The following TXLNB variants were observed in gnomAD, a reference collection of about 807,000 sequenced individuals.
TXLNB encodes the protein taxilin beta, also known as beta-taxilin.
TXLNB carries 37 observed loss-of-function variants against 57.4 expected under a neutral mutation model. The ratio of observed to expected loss-of-function variants is 0.64; its 90% CI spans 0.50 to 0.85. TXLNB has a LOEUF of 0.85. Among genes scored for constraint, TXLNB ranks in the 40% least tolerant of loss-of-function variants. The probability of loss-of-function intolerance (pLI) is 0.00; values close to 1 mark genes in which losing one functional copy is unlikely to be tolerated. For synonymous variants in TXLNB, 302 were observed against 309.6 expected (o/e 0.98, Z 0.26); for missense variants, 848 against 825.6 (o/e 1.03, Z -0.33).
At chr6:139,192,769 C>A in the TXLNB span, among the ~76,000 whole-genome samples, 4 of 136,580 alleles carry the variant, frequency 2.9e-5, no homozygotes, top group Admixed American at 3.0e-4. Context: ...ACAGTAAAAC[C>A]CCGTCTCTAC....
At chr6:139,196,195 G>T in the TXLNB span, among the ~76,000 whole-genome samples, 2 of 151,902 alleles carry the variant, frequency 1.3e-5, no homozygotes, top group Non-Finnish European at 2.9e-5. Flanking sequence ...AATCTTCCAT[G>T]GATACATTAA....
the TXLNB span, among the ~76,000 whole-genome samples, chr6:139,317,431 G>A: frequency 1.2e-4 from 18 of 150,620 alleles, no homozygotes; most frequent in East Asian, 2.0e-4. Flanking sequence ...ACGGAGTCTC[G>A]CTCTGTGGCC....
In TXLNB at chr6:139,260,422, A is replaced by G. The variant is rs760799043; in HGVS notation, c.898T>C (p.Phe300Leu). The change falls in exon 6 of 10, where the codon TTT (phenylalanine) becomes CTT (leucine). Residue 300 changes from phenylalanine to leucine, a missense_variant. By Grantham distance (22) the Phe-to-Leu change is conservative. Coordinates refer to ENST00000358430, the MANE Select transcript of TXLNB (RefSeq NM_153235.4). ...TTCTGCTGCAGTTCTCTGTGTTTAA[A>G]TATTTTGTCCAGATGCTAAGAAAAA... ...ELREEHLDKIFKHRELQQKLV... is the reference protein window; with the variant it reads ...ELREEHLDKILKHRELQQKLV... 1 of 1,614,064 alleles carries G rather than the reference A, an allele frequency of 6.2e-7. No homozygotes were observed.
rs149143523 is a variant in TXLNB, at chr6:139,286,785, G to GCATGCTC, written c.424+1684_424+1690dup. 8.7e-3 allele frequency: 1,496 copies of GCATGCTC among 171,558 alleles called. 22 individuals carry two copies. Among genetic ancestry groups the GCATGCTC allele is most frequent in the African/African-American group, 0.034 (1,414 of 41,896 alleles). 10.6% of individuals were successfully genotyped at this position (171,558 alleles called of 1,614,324 possible). A position where few individuals can be genotyped will look rare whatever the true frequency, so the allele number is the denominator to read the frequency against. On this transcript the variant is annotated intron_variant, in intron 2 of 9. Coordinates refer to ENST00000358430, the MANE Select transcript of TXLNB (RefSeq NM_153235.4). ...ACTGCACATGCAAGGGATGTAGGTT[G>GCATGCTC]CATGCTCCCTGTGAGAATCTAATGC... is the stretch of plus-strand genomic sequence containing the variant.
chr6:139,162,896 G>A, the TXLNB span, among the ~76,000 whole-genome samples: 5 of 152,092 alleles, frequency 3.3e-5, no homozygotes, highest in Admixed American at 2.0e-4. Flanking sequence ...CATGAACATG[G>A]TGTTAAGGCT....
chr6:139,308,295 A>C, the TXLNB span, among the ~76,000 whole-genome samples: 7 of 152,206 alleles, frequency 4.6e-5, no homozygotes, highest in African/African-American at 1.7e-4. Flanking sequence ...TAAGCGATAC[A>C]ACTACCTGCC....
the TXLNB span, among the ~76,000 whole-genome samples, chr6:139,210,853 G>A: frequency 6.1e-4 from 93 of 152,380 alleles, 1 homozygote; most frequent in Non-Finnish European, 1.1e-3. Flanking sequence ...CTAGCTCGGA[G>A]GGTCCTACGC....
chr6:139,208,085 A>G, the TXLNB span, among the ~76,000 whole-genome samples: 323 of 152,290 alleles, frequency 2.1e-3, 1 homozygote, highest in African/African-American at 7.5e-3. Flanking sequence ...CAAACAAAAA[A>G]AAAGAGAGAG....
chr6:139,248,497 CAA>C lies in TXLNB; in HGVS notation c.1078-590_1078-589del, dbSNP rs376513884. ...GGCAACAAGAGCAAAACTCTGTCTC[CAA>C]AAAAAAAAAGAAAAAAATGAAAAAA... On this transcript the variant is annotated intron_variant, in intron 7 of 9. Coordinates refer to ENST00000358430, the MANE Select transcript of TXLNB (RefSeq NM_153235.4). Among the ~76,000 whole-genome samples the C allele has an allele frequency of 8.4e-3, 916 of 109,690 alleles. 8 individuals carry two copies. The highest frequency in any genetic ancestry group is 0.029 in the African/African-American group (875 of 29,662). The allele number at this position is 109,690 out of a possible 152,430, so 72.0% of individuals were successfully genotyped here.
chr6:139,231,687 T>C, the TXLNB span, among the ~76,000 whole-genome samples: 3 of 152,178 alleles, frequency 2.0e-5, no homozygotes, highest in Non-Finnish European at 2.9e-5. Context: ...GAGATTTTAA[T>C]TGGAGACACC....
the TXLNB span, among the ~76,000 whole-genome samples, chr6:139,160,363 C>T: frequency 6.6e-6 from 1 of 152,054 alleles, no homozygotes; most frequent in Non-Finnish European, 1.5e-5. Flanking sequence ...TGTATGATAC[C>T]CTTCTCCCAT....
In TXLNB at chr6:139,244,646, C is replaced by G; in HGVS notation, c.1215G>C (p.Trp405Cys). 3 of 1,614,054 alleles carry G rather than the reference C, an allele frequency of 1.9e-6. No homozygotes were observed. In the South Asian group the frequency reaches 3.3e-5, roughly 18 times the overall value. Residue 405 changes from tryptophan (W) to cysteine (C), a missense_variant, in exon 9 of 10, where the codon TGG (tryptophan) becomes TGC (cysteine). Physicochemically the swap from Trp to Cys is radical, Grantham distance 215. Transcript: ENST00000358430. ...TGTTACAGTTCTCAAATCGGGCTTT[C>G]CATGTGGCTGTGTCCTTTTCCAGCT... Reference protein sequence around the residue: ...MKKLEKDTATWKARFENCNKA... With the variant: ...MKKLEKDTATCKARFENCNKA...
At chr6:139,301,655 G>T in the TXLNB span, among the ~76,000 whole-genome samples, 1 of 152,188 alleles carries the variant, frequency 6.6e-6, no homozygotes. Flanking sequence ...AGAAAGTGCT[G>T]TACTCTAGTG....
At chr6:139,249,503 G>A (rs1288696223) in intron 7 of TXLNB, among the ~76,000 whole-genome samples, 2 of 152,182 alleles carry the variant, frequency 1.3e-5, no homozygotes, top group Non-Finnish European at 2.9e-5. Context: ...AGGAAGGCTG[G>A]GTTATCAGCT....
the TXLNB span, among the ~76,000 whole-genome samples, chr6:139,189,207 G>A: frequency 6.6e-6 from 1 of 152,198 alleles, no homozygotes; most frequent in Admixed American, 6.5e-5. Flanking sequence ...TTGCAAAGGA[G>A]GTGACAGGCG....
rs529515813 is a variant in TXLNB at position 139,255,898 on chromosome 6, G to A, written c.1003-260C>T. 4.5e-3 allele frequency among the ~76,000 whole-genome samples: 679 copies of A among 151,072 alleles called. 4 individuals carry two copies. The highest frequency in any genetic ancestry group is 0.016 in the African/African-American group (648 of 41,056). ...TTGAGAACAGCCTGGGCTATATAGG[G>A]AGACCTTGTCACTGAAAAAAAAAAA... is the stretch of plus-strand genomic sequence containing the variant. On this transcript the variant is annotated intron_variant, in intron 6 of 9. Coordinates refer to ENST00000358430, the MANE Select transcript of TXLNB (RefSeq NM_153235.4).
the TXLNB span, among the ~76,000 whole-genome samples, chr6:139,202,346 G>C: frequency 8.9e-6 from 1 of 112,398 alleles, no homozygotes; most frequent in Admixed American, 8.6e-5. Context: ...TCAATCATTT[G>C]GTCTCTTTTA....
chr6:139,166,123 T>G, the TXLNB span: 5 of 613,500 alleles, frequency 8.1e-6, no homozygotes, highest in Non-Finnish European at 1.4e-5. Flanking sequence ...CATCATATTA[T>G]TCCCTGGTTC....
chr6:139,315,719 G>A, the TXLNB span, among the ~76,000 whole-genome samples: 2 of 152,150 alleles, frequency 1.3e-5, no homozygotes, highest in African/African-American at 4.8e-5. Context: ...AGACAAGGGA[G>A]TTTAAAATTC....
Sources: gnomAD v4.1 joint callset for allele counts (sites outside exome capture counted in the v4.1 genomes callset) on GRCh38, gnomAD v4.1.1 for gene constraint, MANE v1.5 for transcripts, NCBI Gene and HGNC (gene_info 2026-07-23, HGNC 2026-07-21) for gene names.